CNBD1: variants seen among roughly 807,000 people sequenced by gnomAD.
CNBD1 encodes cyclic nucleotide binding domain containing 1, also known as cyclic nucleotide-binding domain-containing protein 1.
CNBD1 carries 71 observed loss-of-function variants against 54.4 expected under a neutral mutation model. The observed-to-expected ratio is 1.30, with a 90% CI of 1.08 to 1.59. The LOEUF is 1.59. Ranked by LOEUF, CNBD1 falls within the 40% of genes most tolerant of loss-of-function variation. The probability of loss-of-function intolerance (pLI) is 0.00; values close to 1 mark genes in which losing one functional copy is unlikely to be tolerated. For synonymous variants in CNBD1, 182 were observed against 170.7 expected (o/e 1.07, Z -0.51); for missense variants, 659 against 518.0 (o/e 1.27, Z -2.64).
chr8:87,373,519 T>A (rs1461108500), intron 10 of CNBD1, among the ~76,000 whole-genome samples: 3 of 151,878 alleles, frequency 2.0e-5, no homozygotes, highest in Non-Finnish European at 4.4e-5. Flanking sequence ...CTTGTAATTA[T>A]GATGCCTTAA....
intron 4 of CNBD1, among the ~76,000 whole-genome samples, chr8:87,064,444 T>C (rs2130643712): frequency 6.6e-6 from 1 of 152,132 alleles, no homozygotes; most frequent in South Asian, 2.1e-4. Flanking sequence ...TCTTTCTGAG[T>C]AAGGAAGGGG....
At chr8:87,149,080 A>G (rs189039810) in intron 4 of CNBD1, among the ~76,000 whole-genome samples, 6 of 152,328 alleles carry the variant, frequency 3.9e-5, no homozygotes, top group Admixed American at 3.3e-4. Context: ...GGGGCACACA[A>G]CTTGAATACC....
intron 10 of CNBD1, among the ~76,000 whole-genome samples, chr8:87,359,466 T>C (rs1810487028): frequency 6.6e-6 from 1 of 152,160 alleles, no homozygotes; most frequent in South Asian, 2.1e-4. Flanking sequence ...TCAGAAAGCA[T>C]TTTATTTCTA....
At chr8:87,347,413 C>A (rs1432495322) in intron 8 of CNBD1, among the ~76,000 whole-genome samples, 1 of 152,118 alleles carries the variant, frequency 6.6e-6, no homozygotes, top group Non-Finnish European at 1.5e-5. Context: ...AGATAAATAT[C>A]CTTGCCTTGA....
intron 2 of CNBD1, among the ~76,000 whole-genome samples, chr8:87,408,924 T>C (rs1190935118): frequency 6.6e-6 from 1 of 151,996 alleles, no homozygotes; most frequent in Non-Finnish European, 1.5e-5. Context: ...AGTTTGTCAT[T>C]CCCCCATCTC....
chr8:87,115,153 G>T (rs1811743005), intron 4 of CNBD1, among the ~76,000 whole-genome samples: 1 of 152,188 alleles, frequency 6.6e-6, no homozygotes, highest in Non-Finnish European at 1.5e-5. Context: ...GATGGAGATA[G>T]AAACTGAATC....
intron 4 of CNBD1, among the ~76,000 whole-genome samples, chr8:87,196,494 T>A (rs1327303533): frequency 6.6e-6 from 1 of 152,208 alleles, no homozygotes; most frequent in African/African-American, 2.4e-5. Flanking sequence ...AGATGTTCAC[T>A]AAAGTAGTCA....
intron 2 of CNBD1, among the ~76,000 whole-genome samples, chr8:87,421,024 A>C (rs1807924950): frequency 6.6e-6 from 1 of 152,018 alleles, no homozygotes; most frequent in African/African-American, 2.4e-5. Flanking sequence ...ATTCTGGATA[A>C]CAAAATCGGT....
In CNBD1 at chr8:87,382,620, T is replaced by G; in HGVS notation, c.1304T>G (p.Val435Gly). 3 of 1,538,756 alleles carry G rather than the reference T, an allele frequency of 1.9e-6. No individual in the cohort carries two copies. The highest frequency in any genetic ancestry group is 2.6e-6 in the Non-Finnish European group (3 of 1,136,830). ...MAIIEDKDLF[V>G]A ...TTGTTTGTTTGTTTGCCTTTTGCAG[T>G]GGCCTAGATCTAGAAACAACCTCAG... Residue 435 changes from valine (V) to glycine (G), a missense_variant and splice_region_variant, in exon 11 of 11, where the codon GTG becomes GGG. Coordinates refer to ENST00000518476, the MANE Select transcript of CNBD1 (RefSeq NM_173538.3).
intron 4 of CNBD1, among the ~76,000 whole-genome samples, chr8:87,116,195 CTTTTTTT>C (rs71556428): frequency 1.3e-5 from 1 of 74,528 alleles, no homozygotes; most frequent in Non-Finnish European, 2.4e-5. Context: ...ATTCTCATGT[CTTTTTTT>C]TTTTTTTTTT....
intron 3 of CNBD1, among the ~76,000 whole-genome samples, chr8:86,916,486 C>T (rs569292304): frequency 1.4e-4 from 22 of 152,188 alleles, no homozygotes; most frequent in East Asian, 5.8e-4. Flanking sequence ...GAGTTGTATG[C>T]GTGCTCTCTT....
At chr8:87,258,881 T>A (rs1808076961) in intron 6 of CNBD1, among the ~76,000 whole-genome samples, 1 of 152,190 alleles carries the variant, frequency 6.6e-6, no homozygotes, top group Non-Finnish European at 1.5e-5. Context: ...GTGAATATTT[T>A]CACACAGAGT....
At chr8:87,415,425 G>T (rs1221038456) in intron 2 of CNBD1, among the ~76,000 whole-genome samples, 4 of 151,914 alleles carry the variant, frequency 2.6e-5, no homozygotes, top group Non-Finnish European at 4.4e-5. Context: ...TCTGTGTTAG[G>T]CTCCTGAAAT....
At chr8:87,410,360 T>C (rs1807720766) in intron 2 of CNBD1, among the ~76,000 whole-genome samples, 1 of 152,134 alleles carries the variant, frequency 6.6e-6, no homozygotes, top group South Asian at 2.1e-4. Context: ...GCAAAGCAAA[T>C]GAAAATCTTC....
At chr8:87,370,103 A>C (rs947748534) in intron 10 of CNBD1, among the ~76,000 whole-genome samples, 9 of 151,866 alleles carry the variant, frequency 5.9e-5, no homozygotes, top group Non-Finnish European at 1.2e-4. Context: ...TATATGTGCC[A>C]CATTTTCTTA....
At chr8:87,234,984 A>AT (rs1254570913) in intron 5 of CNBD1, among the ~76,000 whole-genome samples, 1 of 152,218 alleles carries the variant, frequency 6.6e-6, no homozygotes, top group Admixed American at 6.5e-5. Flanking sequence ...TGCAACTTCT[A>AT]TATCAGCACT....
chr8:87,291,296 T>C (rs1028239178), intron 8 of CNBD1, among the ~76,000 whole-genome samples: 4 of 152,174 alleles, frequency 2.6e-5, no homozygotes, highest in African/African-American at 9.6e-5. Context: ...TTGTTCCTTC[T>C]TCCTGGAGAA....
At chr8:86,899,524 T>C (rs1023966977) in intron 2 of CNBD1, among the ~76,000 whole-genome samples, 11 of 152,200 alleles carry the variant, frequency 7.2e-5, no homozygotes, top group Non-Finnish European at 1.5e-4. Flanking sequence ...TTCTTCAAGT[T>C]TGACTGGCTA....
intron 4 of CNBD1, among the ~76,000 whole-genome samples, chr8:87,107,743 T>G (rs1205237256): frequency 2.6e-5 from 4 of 152,238 alleles, no homozygotes; most frequent in African/African-American, 7.2e-5. Flanking sequence ...CTATGTATGC[T>G]GTGGCATTAG....
Sources: allele counts gnomAD v4.1 joint callset (sites outside exome capture counted in the v4.1 genomes callset), GRCh38; gene constraint gnomAD v4.1.1; transcripts MANE v1.5; gene names NCBI Gene and HGNC (gene_info 2026-07-23, HGNC 2026-07-21).